The following MAMDC2 variants were observed in gnomAD, a reference collection of about 807,000 sequenced individuals.
MAMDC2 encodes the protein MAM domain-containing protein 2.
In MAMDC2, 57 loss-of-function variants were observed where a neutral mutation model predicts 89.8. The ratio of observed to expected loss-of-function variants is 0.63; its 90% CI spans 0.51 to 0.79. The LOEUF is 0.79. Ranked by LOEUF, MAMDC2 falls within the 30% of genes least tolerant of loss-of-function variation. MAMDC2 has a pLI of 0.00. For missense variants in MAMDC2, 800 were observed against 820.6 expected (o/e 0.97, Z 0.31); for synonymous variants, 313 against 293.4 (o/e 1.07, Z -0.68).
intron 11 of MAMDC2, among the ~76,000 whole-genome samples, chr9:70,195,583 G>C (rs2032960691): frequency 6.6e-6 from 1 of 152,026 alleles, no homozygotes; most frequent in Non-Finnish European, 1.5e-5. Flanking sequence ...ATCTCACACT[G>C]TCCGGCCCCA....
intron 11 of MAMDC2, chr9:70,194,452 T>G (rs781651310): frequency 1.3e-5 from 2 of 152,128 alleles, no homozygotes; most frequent in African/African-American, 4.8e-5. Flanking sequence ...CTTTATGCCA[T>G]CCACCATGTG....
intron 11 of MAMDC2, among the ~76,000 whole-genome samples, chr9:70,179,973 C>G (rs2032602424): frequency 6.6e-6 from 1 of 150,804 alleles, no homozygotes; most frequent in South Asian, 2.1e-4. Flanking sequence ...ACCTATCATC[C>G]CAACATCTAG....
chr9:70,131,668 T>C, intron 7 of MAMDC2, 56 bp downstream of exon 7: 4 of 1,290,046 alleles, frequency 3.1e-6, no homozygotes, highest in Non-Finnish European at 3.3e-6. Flanking sequence ...CAATAGATGT[T>C]TGTGGTCAGA....
chr9:70,115,746 G>T (rs1376639230), intron 5 of MAMDC2, among the ~76,000 whole-genome samples: 1 of 152,190 alleles, frequency 6.6e-6, no homozygotes, highest in Non-Finnish European at 1.5e-5. Context: ...CTATAAATAA[G>T]TGCTCTGTGT....
chr9:70,103,929 C>T (rs1828265723), intron 2 of MAMDC2, among the ~76,000 whole-genome samples: 1 of 151,494 alleles, frequency 6.6e-6, no homozygotes, highest in Admixed American at 6.6e-5. Context: ...TTGCAGTGAG[C>T]CGAGATCACG....
rs191867114 is a variant in MAMDC2, at chr9:70,209,185, G to A, written c.1652-9152G>A. Among the ~76,000 whole-genome samples, 67 of 152,250 alleles carry A rather than the reference G, an allele frequency of 4.4e-4. 1 individual carries two copies. The highest frequency in any genetic ancestry group is 1.4e-3 in the African/African-American group (58 of 41,530). On this transcript the variant is annotated intron_variant, in intron 11 of 13. Coordinates refer to ENST00000377182, the MANE Select transcript of MAMDC2 (RefSeq NM_153267.5). ...GGATTCCCTCTTTTTCTGTTGATTC[G>A]AATAGTTTCAGAAGGAATTGTACCA...
At position 70,166,643 on chromosome 9, in the gene MAMDC2, G is replaced by C. The variant is rs145428002; in HGVS notation, c.1405-2059G>C. ...ATTTCTTCTATTTTTAAAATTCTGGGTGTTTGCTTGCTTACTTGCTTGTAT... is the reference window on the plus strand; with the variant it reads ...ATTTCTTCTATTTTTAAAATTCTGGCTGTTTGCTTGCTTACTTGCTTGTAT... On this transcript the variant is annotated intron_variant, in intron 9 of 13. Coordinates refer to ENST00000377182, the MANE Select transcript of MAMDC2 (RefSeq NM_153267.5). 3.9e-3 allele frequency among the ~76,000 whole-genome samples: 597 copies of C among 152,000 alleles called. 3 individuals are homozygous for C. The highest frequency in any genetic ancestry group is 0.013 in the African/African-American group (552 of 41,450).
At chr9:70,056,988 G>C (rs1827038590) in intron 2 of MAMDC2, among the ~76,000 whole-genome samples, 1 of 152,132 alleles carries the variant, frequency 6.6e-6, no homozygotes, top group African/African-American at 2.4e-5. Context: ...AACAAGCTCA[G>C]GGCACCCACT....
intron 11 of MAMDC2, among the ~76,000 whole-genome samples, chr9:70,206,596 G>A (rs1689891865): frequency 6.6e-6 from 1 of 152,028 alleles, no homozygotes; most frequent in Admixed American, 6.6e-5. Context: ...AGCAACATAG[G>A]AGACTTTGTT....
intron 2 of MAMDC2, among the ~76,000 whole-genome samples, chr9:70,069,573 C>T (rs935758761): frequency 5.9e-5 from 9 of 152,166 alleles, no homozygotes; most frequent in Admixed American, 2.0e-4. Flanking sequence ...TAAGTTTTAA[C>T]ATTGAAAGCT....
intron 11 of MAMDC2, among the ~76,000 whole-genome samples, chr9:70,203,438 T>C (rs1206567409): frequency 1.0e-4 from 14 of 138,576 alleles, no homozygotes; most frequent in Admixed American, 5.3e-4. Context: ...GTTAGTCTGA[T>C]GGGCTTCCCT....
At chr9:70,198,917 T>C (rs1380170296) in intron 11 of MAMDC2, among the ~76,000 whole-genome samples, 1 of 152,154 alleles carries the variant, frequency 6.6e-6, no homozygotes, top group Non-Finnish European at 1.5e-5. Context: ...CAAGTCCCTG[T>C]CTTTTAAGAA....
rs147244361 is a variant in MAMDC2 at position 70,140,580 on chromosome 9, C to T, written c.1138+292C>T. ...AAAAATCTGTTGAATTGTATTTATA[C>T]GAAATCTCCAGAAGAGACATATTCC... is the stretch of plus-strand genomic sequence containing the variant. On this transcript the variant is annotated intron_variant, in intron 8 of 13. Coordinates refer to ENST00000377182, the MANE Select transcript of MAMDC2 (RefSeq NM_153267.5). Among the ~76,000 whole-genome samples the T allele has an allele frequency of 3.8e-3, 575 of 152,178 alleles. 2 individuals are homozygous for T. The highest frequency in any genetic ancestry group is 0.013 in the African/African-American group (524 of 41,506).
chr9:70,150,862 G>A (rs1292629221), intron 9 of MAMDC2, among the ~76,000 whole-genome samples: 1 of 152,140 alleles, frequency 6.6e-6, no homozygotes, highest in African/African-American at 2.4e-5. Flanking sequence ...ACAGAGAGAC[G>A]CAGCAGCCAG....
At chr9:70,056,344 GGAAA>G (rs1420606790) in intron 2 of MAMDC2, among the ~76,000 whole-genome samples, 2 of 152,150 alleles carry the variant, frequency 1.3e-5, no homozygotes, top group African/African-American at 4.8e-5. Context: ...TAAGCTTTAT[GGAAA>G]GAAACTCTGG....
chr9:70,149,491 A>G (rs1479447761), intron 9 of MAMDC2, among the ~76,000 whole-genome samples: 2 of 152,110 alleles, frequency 1.3e-5, no homozygotes, highest in Non-Finnish European at 2.9e-5. Context: ...TTTCAGAGCA[A>G]TGTTGTCTTT....
intron 6 of MAMDC2, among the ~76,000 whole-genome samples, chr9:70,130,740 G>A (rs1458538691): frequency 6.6e-6 from 1 of 152,048 alleles, no homozygotes; most frequent in East Asian, 1.9e-4. Flanking sequence ...GGAACTTAGA[G>A]GGTGTTTGCT....
chr9:70,148,252 C>G (rs2031468900), intron 9 of MAMDC2, among the ~76,000 whole-genome samples: 1 of 150,138 alleles, frequency 6.7e-6, no homozygotes, highest in Admixed American at 6.7e-5. Context: ...TAGATCTCAG[C>G]TTAAACATCA....
intron 3 of MAMDC2, among the ~76,000 whole-genome samples, chr9:70,109,045 G>A (rs1421348234): frequency 1.3e-5 from 2 of 152,130 alleles, no homozygotes; most frequent in Non-Finnish European, 2.9e-5. Flanking sequence ...AAGGAGGATG[G>A]GATCCAGACA....
Sources: allele counts gnomAD v4.1 joint callset (sites outside exome capture counted in the v4.1 genomes callset), GRCh38; gene constraint gnomAD v4.1.1; transcripts MANE v1.5; gene names NCBI Gene and HGNC (gene_info 2026-07-23, HGNC 2026-07-21).